Variants in GJA9 observed in about 807,000 individuals in gnomAD.
GJA9 encodes the protein gap junction protein alpha 9.
A neutral mutation model predicts 0.4 loss-of-function variants in GJA9; 1 was observed. That is an observed-to-expected ratio of 2.50 (90% CI 0.89 to 11.88). The LOEUF (loss-of-function observed/expected upper bound fraction) is 11.88. Among genes scored for constraint, GJA9 ranks in the 30% most tolerant of loss-of-function variants. GJA9 has a pLI of 0.12. For synonymous variants in GJA9, 190 were observed against 219.1 expected (o/e 0.87, Z 1.17); for missense variants, 550 against 602.8 (o/e 0.91, Z 0.92).
chr1:38,880,522 G>A (rs1490800751), intron 1 of GJA9, among the ~76,000 whole-genome samples: 1 of 151,386 alleles, frequency 6.6e-6, no homozygotes, highest in Non-Finnish European at 1.5e-5. Context: ...GGTGGCTCAC[G>A]CCTGTAATCC....
Position 38,875,609 on chromosome 1 carries a change from G to A in GJA9, c.490C>T (p.Arg164Cys), listed in dbSNP as rs1480739317. The change falls in exon 2 of 2, where the codon CGC (arginine) becomes TGC (cysteine). Residue 164 changes from arginine (R) to cysteine (C), a missense_variant. Transcript: ENST00000357771. ...LCTYVIHIFT[R>C]SVVEVGFMIG... ...ATGAATCCAACTTCAACCACAGAGC[G>A]AGTGAAAATGTGTATCACATAAGTG... The A allele has an allele frequency of 1.9e-6, 3 of 1,614,084 alleles. No individual in the cohort carries two copies. The highest frequency in any genetic ancestry group is 2.5e-6 in the Non-Finnish European group (3 of 1,180,048).
rs1224809983 is a variant in GJA9, at chr1:38,875,915, T to A, written c.184A>T (p.Arg62Ter). The A allele has an allele frequency of 1.9e-6, 3 of 1,614,136 alleles. No individual in the cohort carries two copies. The highest frequency in any genetic ancestry group is 2.5e-6 in the Non-Finnish European group (3 of 1,180,056). ...AAGGCCTGGTCGTAGCATACATTTC[T>A]GCAGCCTGGTTGTTCTGTATTGCAG... is the stretch of plus-strand genomic sequence containing the variant. ...FICNTEQPGCRNVCYDQAFPI... is the reference protein window; with the variant it reads ...FICNTEQPGC The change falls in exon 2 of 2, where the codon AGA (arginine) becomes TGA (stop). Residue 62 changes from arginine (R) to a stop codon, truncating the protein, a stop_gained. Coordinates refer to ENST00000357771, the MANE Select transcript of GJA9 (RefSeq NM_030772.5). LOFTEE classifies it low-confidence loss of function (END_TRUNC).
Position 38,874,321 on chromosome 1 carries a change from A to G in GJA9, c.*230T>C, listed in dbSNP as rs1014692946. The G allele has an allele frequency of 1.0e-4, 44 of 442,198 alleles. No individual in the cohort carries two copies. Among genetic ancestry groups the G allele is most frequent in the Non-Finnish European group, 1.2e-4 (30 of 260,148 alleles). 27.4% of individuals were successfully genotyped at this position (442,198 alleles called of 1,614,324 possible). A position where few individuals can be genotyped will look rare whatever the true frequency, so the allele number is the denominator to read the frequency against. On this transcript the variant is annotated 3_prime_UTR_variant, in exon 2 of 2. Coordinates refer to ENST00000357771, the MANE Select transcript of GJA9 (RefSeq NM_030772.5). ...CCCAAAATCAGTTACATTCGAAAGG[A>G]TATCATTTAAAAAAAAAAAAATCCT...
Position 38,880,417 on chromosome 1 carries a change from AATAATAATAAT to A in GJA9, c.-96+1004_-96+1014del, listed in dbSNP as rs1212569315. Among the ~76,000 whole-genome samples, 8 of 36,164 alleles carry A rather than the reference AATAATAATAAT, an allele frequency of 2.2e-4. No individual in the cohort carries two copies. The East Asian group carries it at 5.2e-3, about 24-fold the overall frequency. 23.7% of individuals were successfully genotyped at this position (36,164 alleles called of 152,430 possible). On this transcript the variant is annotated intron_variant, in intron 1 of 1. Transcript: ENST00000357771. ...GACTCTGTCTCAAAAAAAAATAAAT[AATAATAATAAT>A]AATAATAATAATAATAATAATAATA...
In GJA9 at chr1:38,875,356, A is replaced by C; in HGVS notation, c.743T>G (p.Leu248Trp). 6.2e-7 allele frequency: 1 copy of C among 1,614,196 alleles called. No homozygotes were observed. Among genetic ancestry groups the C allele is most frequent in the South Asian group, 1.1e-5 (1 of 91,084 alleles). ...IKRGLWGKYK[L>W]KKEHNEFHAN... ...ATGGAATTCATTATGTTCCTTCTTCAACTTGTATTTTCCCCAAAGCCCTCT... is the reference window on the plus strand; with the variant it reads ...ATGGAATTCATTATGTTCCTTCTTCCACTTGTATTTTCCCCAAAGCCCTCT... The change falls in exon 2 of 2, where the codon TTG (leucine) becomes TGG (tryptophan). Residue 248 changes from leucine (L) to tryptophan (W), a missense_variant. Leu to Trp is a moderately conservative substitution (Grantham distance 61). Coordinates refer to ENST00000357771, the MANE Select transcript of GJA9 (RefSeq NM_030772.5).
At chr1:38,880,412 T>A (rs9439085) in intron 1 of GJA9, among the ~76,000 whole-genome samples, 18,629 of 72,266 alleles carry the variant, frequency 0.26, 3,776 homozygotes, top group Non-Finnish European at 0.34. Flanking sequence ...CAAAAAAAAA[T>A]AAATAATAAT....
Position 38,875,526 on chromosome 1 carries a change from G to A in GJA9, c.573C>T (p.Gly191=), listed in dbSNP as rs758601156. ...FHLEPLFKCH[G]HPCPNIIDCF... ...AGTCGATTATATTTGGACACGGGTGGCCATGGCACTTAAATAGCGGCTCTA... is the reference window on the plus strand; with the variant it reads ...AGTCGATTATATTTGGACACGGGTGACCATGGCACTTAAATAGCGGCTCTA... Residue 191 remains glycine (G), a synonymous_variant, in exon 2 of 2, where the codon GGC becomes GGT. Coordinates refer to ENST00000357771, the MANE Select transcript of GJA9 (RefSeq NM_030772.5). The A allele has an allele frequency of 2.5e-6, 4 of 1,614,064 alleles. No homozygotes were observed. Among genetic ancestry groups the A allele is most frequent in the South Asian group, 2.2e-5 (2 of 91,084 alleles).
intron 1 of GJA9, among the ~76,000 whole-genome samples, chr1:38,880,012 C>A (rs1421715158): frequency 6.6e-6 from 1 of 151,924 alleles, no homozygotes; most frequent in Middle Eastern, 3.4e-3. Flanking sequence ...CCACCGCGCC[C>A]GGCTCTGTTA....
In GJA9 at chr1:38,875,752, A is replaced by G. The variant is rs936576808; in HGVS notation, c.347T>C (p.Val116Ala). The G allele has an allele frequency of 5.6e-6, 9 of 1,613,826 alleles. No individual in the cohort carries two copies. Among genetic ancestry groups the G allele is most frequent in the Non-Finnish European group, 7.6e-6 (9 of 1,180,020 alleles). ...ERQRMKAQLR[V>A]ELEEVEFEMP... is the part of the protein sequence containing the mutation. ...TTCAAACTCTACCTCCTCCAGTTCT[A>G]CTCTTAACTGAGCTTTCATCCTTTG... The change falls in exon 2 of 2, where the codon GTA (valine) becomes GCA (alanine). Residue 116 changes from valine (V) to alanine (A), a missense_variant. Transcript: ENST00000357771.
In GJA9 at chr1:38,874,804, T is replaced by C; in HGVS notation, c.1295A>G (p.His432Arg). The C allele has an allele frequency of 6.2e-7, 1 of 1,614,174 alleles. No individual in the cohort carries two copies. ...LRATWGSSTE[H>R]ENRGSPPKGN... ...TTTAGGAGGTGACCCCCGGTTTTCA[T>C]GTTCTGTAGAGGAACCCCATGTAGC... is the stretch of plus-strand genomic sequence containing the variant. Residue 432 changes from histidine to arginine, a missense_variant, in exon 2 of 2, where the codon CAT (histidine) becomes CGT (arginine). Coordinates refer to ENST00000357771, the MANE Select transcript of GJA9 (RefSeq NM_030772.5).
intron 1 of GJA9, among the ~76,000 whole-genome samples, chr1:38,878,179 AGTG>A (rs1642624275): frequency 6.6e-6 from 1 of 151,874 alleles, no homozygotes; most frequent in Non-Finnish European, 1.5e-5. Context: ...CCCAGGTTCA[AGTG>A]ATTCTCGTGC....
Position 38,875,573 on chromosome 1 carries a change from A to G in GJA9, c.526T>C (p.Tyr176His), listed in dbSNP as rs1642570486. 4 of 1,614,222 alleles carry G rather than the reference A, an allele frequency of 2.5e-6. No homozygotes were observed. The highest frequency in any genetic ancestry group is 3.4e-6 in the Non-Finnish European group (4 of 1,180,028). Residue 176 changes from tyrosine (Y) to histidine (H), a missense_variant, in exon 2 of 2, where the codon TAC becomes CAC. Tyr to His is a moderately conservative substitution (Grantham distance 83, BLOSUM62 2). Transcript: ENST00000357771. ...VVEVGFMIGQYLLYGFHLEPL... is the reference protein window; with the variant it reads ...VVEVGFMIGQHLLYGFHLEPL... ...TCTAAGTGAAATCCATATAAAAGGT[A>G]CTGTCCAATCATGAATCCAACTTCA...
At position 38,874,990 on chromosome 1, in the gene GJA9, T is replaced by G. The variant is rs1352982097; in HGVS notation, c.1109A>C (p.Lys370Thr). Residue 370 changes from lysine to threonine, a missense_variant, in exon 2 of 2, where the codon AAA becomes ACA. Physicochemically the swap from Lys to Thr is moderately conservative, Grantham distance 78 (BLOSUM62 -1). Coordinates refer to ENST00000357771, the MANE Select transcript of GJA9 (RefSeq NM_030772.5). ...GCTGTCTTTGCCTTCAGTTTCTCTT[T>G]TTTCCATTAACTGGTTACCATTAAG... ...KELNGNQLME[K>T]RETEGKDSKR... 1 of 1,614,246 alleles carries G rather than the reference T, an allele frequency of 6.2e-7. No individual in the cohort carries two copies. Among genetic ancestry groups the G allele is most frequent in the Non-Finnish European group, 8.5e-7 (1 of 1,180,054 alleles).
In GJA9 at chr1:38,874,315, G is replaced by A. The variant is rs1474418498; in HGVS notation, c.*236C>T. 2 of 439,188 alleles carry A rather than the reference G, an allele frequency of 4.6e-6. No homozygotes were observed. The highest frequency in any genetic ancestry group is 4.9e-5 in the African/African-American group (2 of 41,122). 27.2% of individuals were successfully genotyped at this position (439,188 alleles called of 1,614,324 possible). ...GATTTTCCCAAAATCAGTTACATTCGAAAGGATATCATTTAAAAAAAAAAA... is the reference window on the plus strand; with the variant it reads ...GATTTTCCCAAAATCAGTTACATTCAAAAGGATATCATTTAAAAAAAAAAA... On this transcript the variant is annotated 3_prime_UTR_variant, in exon 2 of 2. Transcript: ENST00000357771.
rs545869701 is a variant in GJA9 at position 38,881,487 on chromosome 1, G to A, written c.-151C>T. 8 of 701,192 alleles carry A rather than the reference G, an allele frequency of 1.1e-5. No individual in the cohort carries two copies. The highest frequency in any genetic ancestry group is 2.1e-5 in the Non-Finnish European group (8 of 384,236). 43.4% of individuals were successfully genotyped at this position (701,192 alleles called of 1,614,324 possible). On this transcript the variant is annotated 5_prime_UTR_variant, in exon 1 of 2. Coordinates refer to ENST00000357771, the MANE Select transcript of GJA9 (RefSeq NM_030772.5). ...AACCATGTTTAGAAGTTACAGCATG[G>A]CCATCTTCAATTTATTTTCTGAATT...
chr1:38,876,166 G>T lies in GJA9; in HGVS notation c.-68C>A. 1.6e-6 allele frequency: 2 copies of T among 1,250,218 alleles called. No homozygotes were observed. Among genetic ancestry groups the T allele is most frequent in the Non-Finnish European group, 2.3e-6 (2 of 875,340 alleles). 77.4% of individuals were successfully genotyped at this position (1,250,218 alleles called of 1,614,324 possible). A position where few individuals can be genotyped will look rare whatever the true frequency, so the allele number is the denominator to read the frequency against. Reference sequence around the variant, plus strand: ...AGAGGCAGATAAATTCTTCCATTCTGAAGGGAGCACTATTTCTTAAAGCAA... The same window carrying T: ...AGAGGCAGATAAATTCTTCCATTCTTAAGGGAGCACTATTTCTTAAAGCAA... On this transcript the variant is annotated 5_prime_UTR_variant, in exon 2 of 2. Transcript: ENST00000357771.
At chr1:38,880,118 T>A (rs1009248731) in intron 1 of GJA9, among the ~76,000 whole-genome samples, 1 of 148,888 alleles carries the variant, frequency 6.7e-6, no homozygotes, top group African/African-American at 2.4e-5. Context: ...AATAGCATAC[T>A]CTGGCCGGGC....
At chr1:38,879,835 T>A (rs945983703) in intron 1 of GJA9, among the ~76,000 whole-genome samples, 2 of 152,042 alleles carry the variant, frequency 1.3e-5, no homozygotes, top group East Asian at 3.9e-4. Flanking sequence ...CACGCCATTC[T>A]CCTGCCTCAG....
chr1:38,875,949 A>G lies in GJA9; in HGVS notation c.150T>C (p.Ser50=). The part of the protein sequence containing the change: ...AAEDVWNDEQ[S]GFICNTEQPG... The stretch of plus-strand genomic sequence containing the variant: ...GTTGTTCTGTATTGCAGATGAAGCC[A>G]GACTGCTCATCATTCCAGACATCTT... Residue 50 remains serine (S), a synonymous_variant, in exon 2 of 2, where the codon TCT becomes TCC. Coordinates refer to ENST00000357771, the MANE Select transcript of GJA9 (RefSeq NM_030772.5). 1 of 1,614,266 alleles carries G rather than the reference A, an allele frequency of 6.2e-7. No individual in the cohort carries two copies.
Sources: gnomAD v4.1 joint callset for allele counts (sites outside exome capture counted in the v4.1 genomes callset) on GRCh38, gnomAD v4.1.1 for gene constraint, MANE v1.5 for transcripts, NCBI Gene and HGNC (gene_info 2026-07-23, HGNC 2026-07-21) for gene names.